Variants in SASH1 observed in about 807,000 individuals in gnomAD.
The protein encoded by SASH1 is SAM and SH3 domain-containing protein 1.
Under a neutral mutation model 125.2 loss-of-function variants are expected in SASH1, and 44 were observed. The ratio of observed to expected loss-of-function variants is 0.35; its 90% confidence interval spans 0.28 to 0.45. The LOEUF is 0.45. Ranked by LOEUF, SASH1 falls within the 20% of genes least tolerant of loss-of-function variation. The pLI is 1.00. For missense variants in SASH1, 1,426 were observed against 1,614.5 expected, an observed-to-expected ratio of 0.88 and a Z score of 2.00; for synonymous variants, 639 against 649.1, an observed-to-expected ratio of 0.98 and a Z score of 0.24.
rs1780149741 is a variant in SASH1, at chr6:148,307,036, C to CT, written n.74+34662dup. On this transcript the variant is annotated intron_variant and non_coding_transcript_variant, in intron 1 of 3. Coordinates refer to the SASH1 transcript ENST00000367469. The stretch of plus-strand genomic sequence containing the variant: ...ACCTTTCTCTTTCTTTTCTTTCTTT[C>CT]TTTCTTTCTTTCTTTCTTTCTTTCT... Among the ~76,000 whole-genome samples the CT allele has an allele frequency of 5.7e-5, 4 of 70,428 alleles. No homozygotes were observed. In the South Asian group the frequency reaches 1.8e-3, roughly 32 times the overall value. 46.2% of individuals were successfully genotyped at this position (70,428 alleles called of 152,430 possible).
At chr6:148,306,779 T>C (rs1780139644) in intron 1 of SASH1, among the ~76,000 whole-genome samples, 2 of 152,154 alleles carry the variant, frequency 1.3e-5, no homozygotes, top group Non-Finnish European at 2.9e-5. Context: ...CAACAGCCCA[T>C]GCAGAACCCC....
chr6:148,302,175 C>T (rs1174327098), intron 1 of SASH1, among the ~76,000 whole-genome samples: 5 of 150,832 alleles, frequency 3.3e-5, no homozygotes, highest in African/African-American at 4.9e-5. Context: ...ATTAGCCGGG[C>T]GTGGTGGCGG....
intron 1 of SASH1, among the ~76,000 whole-genome samples, chr6:148,343,573 T>C (rs1436346667): frequency 6.6e-6 from 1 of 152,244 alleles, no homozygotes; most frequent in East Asian, 1.9e-4. Context: ...GGGAAAAGGC[T>C]GATGTTACTG....
upstream of SASH1, among the ~76,000 whole-genome samples, chr6:148,340,239 C>A (rs2114623404): frequency 1.3e-5 from 2 of 152,176 alleles, no homozygotes; most frequent in Middle Eastern, 3.4e-3. Flanking sequence ...AATCCCAGCA[C>A]TTTGGGAGGC....
At chr6:148,394,605 AT>A (rs1417749193) in intron 2 of SASH1, among the ~76,000 whole-genome samples, 1 of 151,850 alleles carries the variant, frequency 6.6e-6, no homozygotes, top group African/African-American at 2.4e-5. Context: ...CAGCTTAATA[AT>A]TTTTTTCTTT....
intron 1 of SASH1, among the ~76,000 whole-genome samples, chr6:148,312,166 A>C: frequency 6.6e-6 from 1 of 152,212 alleles, no homozygotes; most frequent in Non-Finnish European, 1.5e-5. Flanking sequence ...GTTAAATAGC[A>C]TGAGGGCAGT....
intron 5 of SASH1, among the ~76,000 whole-genome samples, chr6:148,471,096 G>A (rs1191305791): frequency 3.3e-5 from 5 of 151,810 alleles, no homozygotes; most frequent in African/African-American, 1.2e-4. Context: ...ACTGCAAGAC[G>A]AGGCCAAATT....
At chr6:148,389,986 T>G in intron 1 of SASH1, 148 bp from the exon 2 acceptor site, 1 of 843,612 alleles carries the variant, frequency 1.2e-6, no homozygotes, top group East Asian at 2.9e-5. Context: ...GGTTAGGAGA[T>G]CCTGCATGTA....
intron 1 of SASH1, among the ~76,000 whole-genome samples, chr6:148,351,230 A>G (rs1781719482): frequency 1.8e-5 from 2 of 112,858 alleles, no homozygotes; most frequent in Admixed American, 2.2e-4. Context: ...AGGCTCTTCT[A>G]TGGCTTTCAA....
At chr6:148,505,634 G>GTT (rs541914315) in intron 8 of SASH1, among the ~76,000 whole-genome samples, 3 of 141,328 alleles carry the variant, frequency 2.1e-5, no homozygotes, top group Non-Finnish European at 3.1e-5. Flanking sequence ...TTTTGTTGTT[G>GTT]TTTTTTTTTT....
At chr6:148,213,099 C>A in the SASH1 span, among the ~76,000 whole-genome samples, 1 of 152,218 alleles carries the variant, frequency 6.6e-6, no homozygotes, top group African/African-American at 2.4e-5. Context: ...GGGCTAGAGC[C>A]TTCTGTCAGC....
chr6:148,233,460 G>A, the SASH1 span, among the ~76,000 whole-genome samples: 50 of 151,790 alleles, frequency 3.3e-4, no homozygotes, highest in African/African-American at 7.5e-4. Flanking sequence ...CGTTCATATC[G>A]TTGAAAAATG....
chr6:148,416,541 A>G (rs963660558), intron 2 of SASH1, among the ~76,000 whole-genome samples: 8 of 152,158 alleles, frequency 5.3e-5, no homozygotes, highest in Admixed American at 5.2e-4. Flanking sequence ...ATGTGTCGCA[A>G]AACCCTTCAC....
intron 8 of SASH1, among the ~76,000 whole-genome samples, chr6:148,501,048 C>T (rs1452823582): frequency 1.3e-5 from 2 of 151,778 alleles, no homozygotes; most frequent in South Asian, 2.1e-4. Context: ...GGTTGTAGAT[C>T]GTCAGTCTAG....
chr6:148,534,998 A>T, intron 16 of SASH1, 97 bp downstream of exon 16: 1 of 1,278,400 alleles, frequency 7.8e-7, no homozygotes, highest in Non-Finnish European at 1.1e-6. Flanking sequence ...GGAGTCACTT[A>T]TTCTGTCCTG....
intron 4 of SASH1, among the ~76,000 whole-genome samples, chr6:148,452,395 TC>T (rs1466172614): frequency 6.6e-6 from 1 of 152,084 alleles, no homozygotes; most frequent in Non-Finnish European, 1.5e-5. Flanking sequence ...GTCTCCAGGG[TC>T]CTTCTAGCTC....
At chr6:148,438,223 G>T (rs1776375987) in intron 2 of SASH1, among the ~76,000 whole-genome samples, 1 of 152,158 alleles carries the variant, frequency 6.6e-6, no homozygotes, top group Non-Finnish European at 1.5e-5. Context: ...TAGGAAGGAA[G>T]ATTTGGGATT....
At position 148,342,993 on chromosome 6, in the gene SASH1, G is replaced by C. The variant is rs916695268; in HGVS notation, c.-75G>C. The C allele has an allele frequency of 9.4e-7, 1 of 1,064,554 alleles. No homozygotes were observed. Among genetic ancestry groups the C allele is most frequent in the Non-Finnish European group, 1.1e-6 (1 of 881,990 alleles). 65.9% of individuals were successfully genotyped at this position (1,064,554 alleles called of 1,614,324 possible). A position where few individuals can be genotyped will look rare whatever the true frequency, so the allele number is the denominator to read the frequency against. Reference sequence around the variant, plus strand: ...CGCCGCGGGCGGGGACCCGGCATCCGGGCAGGCTGCGCGCGGGTGCGGGGC... The same window carrying C: ...CGCCGCGGGCGGGGACCCGGCATCCCGGCAGGCTGCGCGCGGGTGCGGGGC... On this transcript the variant is annotated 5_prime_UTR_variant, in exon 1 of 20. Transcript: ENST00000367467.
chr6:148,527,327 A>G (rs1226196398), intron 11 of SASH1, 126 bp from the exon 12 acceptor site: 3 of 823,710 alleles, frequency 3.6e-6, no homozygotes, highest in Non-Finnish European at 5.4e-6. Context: ...GAGTTAACAC[A>G]AGAAAAACGT....
Sources: gnomAD v4.1 joint callset for allele counts (sites outside exome capture counted in the v4.1 genomes callset) on GRCh38, gnomAD v4.1.1 for gene constraint, MANE v1.5 for transcripts, NCBI Gene and HGNC (gene_info 2026-07-23, HGNC 2026-07-21) for gene names.